The following SORCS2 variants were observed in gnomAD, a reference collection of about 807,000 sequenced individuals.
SORCS2 encodes the protein sortilin related VPS10 domain containing receptor 2.
SORCS2 carries 100 observed loss-of-function variants against 141.6 expected under a neutral mutation model. The ratio of observed to expected loss-of-function variants is 0.71; its 90% CI spans 0.60 to 0.83. SORCS2 has a LOEUF of 0.83. Among genes scored for constraint, SORCS2 ranks in the 40% least tolerant of loss-of-function variants. The pLI is 0.00. For missense variants in SORCS2, 1,646 were observed against 1,560.2 expected (o/e 1.05, Z -0.93); for synonymous variants, 789 against 676.9 (o/e 1.17, Z -2.57).
At chr4:7,612,363 C>T (rs964185478) in intron 3 of SORCS2, among the ~76,000 whole-genome samples, 3 of 152,180 alleles carry the variant, frequency 2.0e-5, no homozygotes, top group Non-Finnish European at 4.4e-5. Flanking sequence ...ACGCCTCCGC[C>T]ACATCCCAGG....
chr4:7,403,961 G>GTATATATATATATATATA (rs71635960), intron 2 of SORCS2, among the ~76,000 whole-genome samples: 54 of 29,754 alleles, frequency 1.8e-3, no homozygotes, highest in East Asian at 4.4e-3. Flanking sequence ...CTCCATGTGT[G>GTATATATATATATATATA]TATATATATA....
At chr4:7,214,825 G>A (rs761114720) in intron 1 of SORCS2, among the ~76,000 whole-genome samples, 131 of 152,234 alleles carry the variant, frequency 8.6e-4, no homozygotes, top group Non-Finnish European at 1.1e-3. Flanking sequence ...TGGACACGAA[G>A]GACGCCTGTC....
At chr4:7,419,807 G>A (rs1339211516) in intron 2 of SORCS2, among the ~76,000 whole-genome samples, 8 of 152,092 alleles carry the variant, frequency 5.3e-5, no homozygotes, top group Non-Finnish European at 1.0e-4. Context: ...GATCTAAGAG[G>A]CAGCAAGCTA....
chr4:7,682,327 A>G (rs1026459731), intron 9 of SORCS2, among the ~76,000 whole-genome samples: 2 of 152,130 alleles, frequency 1.3e-5, no homozygotes, highest in African/African-American at 4.8e-5. Context: ...CTATTGGTCC[A>G]GGATGTGTGG....
intron 6 of SORCS2, among the ~76,000 whole-genome samples, chr4:7,662,226 C>T (rs1390833750): frequency 6.8e-6 from 1 of 146,266 alleles, no homozygotes; most frequent in Non-Finnish European, 1.5e-5. Flanking sequence ...CCCCACCCTC[C>T]CCCCCCTCCC....
intron 2 of SORCS2, among the ~76,000 whole-genome samples, chr4:7,441,588 TG>T (rs1221704629): frequency 1.3e-5 from 2 of 151,868 alleles, no homozygotes; most frequent in African/African-American, 4.8e-5. Flanking sequence ...GGGTAGAGCC[TG>T]GGAGCTACCC....
At chr4:7,554,127 T>C (rs1713930759) in intron 3 of SORCS2, among the ~76,000 whole-genome samples, 1 of 151,896 alleles carries the variant, frequency 6.6e-6, no homozygotes, top group African/African-American at 2.4e-5. Flanking sequence ...CATAAGGAGA[T>C]GCTGATTCCT....
intron 2 of SORCS2, among the ~76,000 whole-genome samples, chr4:7,507,796 G>A (rs946155627): frequency 2.6e-5 from 4 of 152,176 alleles, no homozygotes; most frequent in Non-Finnish European, 4.4e-5. Context: ...GAGCTGGCTG[G>A]AACACGGGGT....
Position 7,569,186 on chromosome 4 carries a change from G to A in SORCS2, c.648+37557G>A, listed in dbSNP as rs550992630. Among the ~76,000 whole-genome samples the A allele has an allele frequency of 7.9e-4, 121 of 152,340 alleles. 2 individuals are homozygous for A. The highest frequency in any genetic ancestry group is 2.8e-3 in the African/African-American group (116 of 41,576). The stretch of plus-strand genomic sequence containing the variant: ...AAGTGATTACGGCAGGAAGTGAGAG[G>A]TGAGAAGGCCTGTGCCTTGAAGAGC... On this transcript the variant is annotated intron_variant, in intron 3 of 26. Transcript: ENST00000507866.
At chr4:7,504,925 C>G (rs1367399954) in intron 2 of SORCS2, among the ~76,000 whole-genome samples, 2 of 152,156 alleles carry the variant, frequency 1.3e-5, no homozygotes, top group Non-Finnish European at 2.9e-5. Context: ...GCGCTGATGC[C>G]CCCCGGCCAC....
chr4:7,310,427 T>G (rs1718112269), intron 1 of SORCS2: 1 of 154,362 alleles, frequency 6.5e-6, no homozygotes, highest in Non-Finnish European at 1.5e-5. Flanking sequence ...ATGGCATTTA[T>G]TAAATACATT....
chr4:7,559,195 C>G (rs1714352447), intron 3 of SORCS2, among the ~76,000 whole-genome samples: 1 of 152,328 alleles, frequency 6.6e-6, no homozygotes, highest in Admixed American at 6.5e-5. Context: ...TACGTGCCCC[C>G]CTCCAAGAGG....
intron 1 of SORCS2, among the ~76,000 whole-genome samples, chr4:7,272,733 G>A (rs758530141): frequency 1.3e-5 from 2 of 152,238 alleles, no homozygotes; most frequent in Non-Finnish European, 1.5e-5. Flanking sequence ...AATACCATCC[G>A]CGGCATTGCA....
intron 1 of SORCS2, among the ~76,000 whole-genome samples, chr4:7,250,011 G>A (rs1713383585): frequency 2.0e-5 from 3 of 152,156 alleles, no homozygotes; most frequent in Admixed American, 6.5e-5. Flanking sequence ...GGAGGCCGAG[G>A]CGGGTGAATC....
At chr4:7,443,326 T>C (rs997522710) in intron 2 of SORCS2, among the ~76,000 whole-genome samples, 2 of 152,210 alleles carry the variant, frequency 1.3e-5, no homozygotes, top group Non-Finnish European at 2.9e-5. Flanking sequence ...AGGCCACCTG[T>C]GGTGCACAGC....
chr4:7,484,788 AC>A, intron 2 of SORCS2, among the ~76,000 whole-genome samples: 1 of 151,880 alleles, frequency 6.6e-6, no homozygotes, highest in Middle Eastern at 3.4e-3. Flanking sequence ...GCCCTCCTGC[AC>A]CCAGCCTCCC....
At chr4:7,706,483 A>G (rs1725469031) in intron 14 of SORCS2, among the ~76,000 whole-genome samples, 1 of 126,474 alleles carries the variant, frequency 7.9e-6, no homozygotes, top group South Asian at 2.7e-4. Flanking sequence ...CTGCCTGGAC[A>G]GAGATGAGGC....
intron 26 of SORCS2, among the ~76,000 whole-genome samples, chr4:7,739,052 C>G (rs914716189): frequency 6.6e-6 from 1 of 152,186 alleles, no homozygotes; most frequent in Admixed American, 6.5e-5. Flanking sequence ...CTCAGCGCCT[C>G]CCAGACACCG....
chr4:7,620,083 CCTT>C (rs997902184), intron 3 of SORCS2, among the ~76,000 whole-genome samples: 5 of 151,798 alleles, frequency 3.3e-5, no homozygotes, highest in African/African-American at 4.8e-5. Context: ...TCCTCTTCCT[CCTT>C]CATCTGCTGG....
Sources: allele counts gnomAD v4.1 joint callset (sites outside exome capture counted in the v4.1 genomes callset), GRCh38; gene constraint gnomAD v4.1.1; transcripts MANE v1.5; gene names NCBI Gene and HGNC (gene_info 2026-07-23, HGNC 2026-07-21).